SCD5: variants seen among roughly 807,000 people sequenced by gnomAD.
The protein encoded by SCD5 is acyl-CoA-desaturase 4.
Under a neutral mutation model 30.4 loss-of-function variants are expected in SCD5, and 20 were observed. That is an observed-to-expected ratio of 0.66 (90% CI 0.46 to 0.96). SCD5 has a LOEUF of 0.96. SCD5 is among the 40% of genes least tolerant of loss of function. SCD5 has a pLI of 0.00. For missense variants in SCD5, 381 were observed against 443.3 expected, an observed-to-expected ratio of 0.86 and a Z score of 1.26; for synonymous variants, 173 against 176.4, an observed-to-expected ratio of 0.98 and a Z score of 0.16.
intron 1 of SCD5, among the ~76,000 whole-genome samples, chr4:82,726,575 TAG>T (rs1341604045): frequency 2.0e-5 from 3 of 147,836 alleles, no homozygotes; most frequent in African/African-American, 7.7e-5. Flanking sequence ...TTTTTTTAAA[TAG>T]AGACCTGCAC....
intron 1 of SCD5, among the ~76,000 whole-genome samples, chr4:82,765,445 T>C (rs1450699344): frequency 6.6e-6 from 1 of 152,202 alleles, no homozygotes; most frequent in East Asian, 1.9e-4. Flanking sequence ...TCCATAAGGA[T>C]ACCCAAATAC....
At chr4:82,672,047 CA>C (rs1728338328) in intron 3 of SCD5, among the ~76,000 whole-genome samples, 7 of 151,822 alleles carry the variant, frequency 4.6e-5, no homozygotes, top group African/African-American at 1.5e-4. Context: ...TGTGGGATGC[CA>C]TAAAAGCAGT....
At chr4:82,729,534 T>C (rs1199710176) in intron 1 of SCD5, among the ~76,000 whole-genome samples, 1 of 152,056 alleles carries the variant, frequency 6.6e-6, no homozygotes, top group Admixed American at 6.5e-5. Flanking sequence ...CAAATACAAG[T>C]TTGTCAGTGG....
At chr4:82,696,579 CATT>C (rs1028907377) in intron 2 of SCD5, among the ~76,000 whole-genome samples, 1 of 152,068 alleles carries the variant, frequency 6.6e-6, no homozygotes, top group Non-Finnish European at 1.5e-5. Context: ...CTGCAGACAT[CATT>C]GAGGAAAGAG....
chr4:82,720,935 T>TG (rs1454302633), intron 1 of SCD5, among the ~76,000 whole-genome samples: 1 of 152,178 alleles, frequency 6.6e-6, no homozygotes, highest in Non-Finnish European at 1.5e-5. Flanking sequence ...GGGGATCTCT[T>TG]GGGTCCAGGA....
chr4:82,644,801 T>C (rs1031861205), intron 3 of SCD5, among the ~76,000 whole-genome samples: 8 of 152,226 alleles, frequency 5.3e-5, no homozygotes, highest in Non-Finnish European at 1.0e-4. Context: ...CAGATTTCAC[T>C]GTGAGGGTTT....
intron 3 of SCD5, among the ~76,000 whole-genome samples, chr4:82,664,029 A>G (rs1037373156): frequency 9.9e-5 from 15 of 152,180 alleles, no homozygotes; most frequent in African/African-American, 3.6e-4. Flanking sequence ...ACTCTTATAA[A>G]CAGCCATGCA....
intron 1 of SCD5, among the ~76,000 whole-genome samples, chr4:82,766,104 GT>G (rs1721478988): frequency 6.6e-6 from 1 of 152,142 alleles, no homozygotes; most frequent in African/African-American, 2.4e-5. Flanking sequence ...TGTATTTATA[GT>G]TTGTTGAGCT....
intron 1 of SCD5, among the ~76,000 whole-genome samples, chr4:82,752,364 G>A (rs17006284): frequency 0.036 from 5,446 of 151,878 alleles, 200 homozygotes; most frequent in African/African-American, 0.089. Context: ...GCACAGGGAC[G>A]TGGGAATAGG....
intron 3 of SCD5, chr4:82,660,975 G>A (rs758617180): frequency 1.7e-5 from 27 of 1,614,000 alleles, no homozygotes; most frequent in South Asian, 9.9e-5. Context: ...TGTGTAATCC[G>A]GGAAGGGTGA....
At chr4:82,705,098 C>G (rs986313087) in intron 2 of SCD5, among the ~76,000 whole-genome samples, 185 bp downstream of exon 2, 1 of 152,244 alleles carries the variant, frequency 6.6e-6, no homozygotes, top group Non-Finnish European at 1.5e-5. Context: ...CAAAACCCCC[C>G]CAGGGGACAT....
chr4:82,636,511 A>C, intron 4 of SCD5, 80 bp downstream of exon 4: 2 of 1,090,012 alleles, frequency 1.8e-6, no homozygotes, highest in South Asian at 3.0e-5. Flanking sequence ...GCTTCTCTTT[A>C]CTGATTCCAC....
intron 2 of SCD5, among the ~76,000 whole-genome samples, chr4:82,687,483 CG>C (rs1273534028): frequency 6.6e-6 from 1 of 152,174 alleles, no homozygotes; most frequent in African/African-American, 2.4e-5. Context: ...AGCTTCTCCT[CG>C]ATGAAGCAGT....
chr4:82,660,918 G>T, intron 3 of SCD5: 1 of 1,614,092 alleles, frequency 6.2e-7, no homozygotes, highest in Non-Finnish European at 8.5e-7. Context: ...GCAGCATCAA[G>T]CAGCACTTTT....
At chr4:82,752,269 A>G (rs1047704134) in intron 1 of SCD5, among the ~76,000 whole-genome samples, 1 of 96,202 alleles carries the variant, frequency 1.0e-5, no homozygotes, top group Non-Finnish European at 2.1e-5. Context: ...TGAATTTTAA[A>G]AAATTATATA....
intron 3 of SCD5, among the ~76,000 whole-genome samples, chr4:82,679,211 A>G (rs868024136): frequency 7.4e-5 from 6 of 81,604 alleles, no homozygotes; most frequent in Non-Finnish European, 1.5e-4. Flanking sequence ...AAAAAAAAAA[A>G]AAAGAAAGAA....
chr4:82,751,542 T>C (rs1578052230), intron 1 of SCD5, among the ~76,000 whole-genome samples: 2 of 152,210 alleles, frequency 1.3e-5, no homozygotes, highest in Non-Finnish European at 1.5e-5. Flanking sequence ...GGTCCCTATA[T>C]ATGCTGTTTT....
At chr4:82,653,382 TC>T (rs1165146932) in intron 3 of SCD5, among the ~76,000 whole-genome samples, 1 of 152,142 alleles carries the variant, frequency 6.6e-6, no homozygotes, top group African/African-American at 2.4e-5. Flanking sequence ...GTAGACTCTC[TC>T]CCTGCCCGAG....
intron 3 of SCD5, among the ~76,000 whole-genome samples, chr4:82,656,904 G>A (rs575093676): frequency 6.6e-5 from 10 of 152,292 alleles, no homozygotes; most frequent in African/African-American, 2.4e-4. Context: ...GTCTTCTTTT[G>A]AGAAATGTCT....
Sources: allele counts gnomAD v4.1 joint callset (sites outside exome capture counted in the v4.1 genomes callset), GRCh38; gene constraint gnomAD v4.1.1; transcripts MANE v1.5; gene names NCBI Gene and HGNC (gene_info 2026-07-23, HGNC 2026-07-21).